SLC44A5: variants seen among roughly 807,000 people sequenced by gnomAD.
SLC44A5 encodes choline transporter-like protein 5.
SLC44A5 carries 57 observed loss-of-function variants against 101.8 expected under a neutral mutation model. That is an observed-to-expected ratio of 0.56 (90% CI 0.45 to 0.70). The LOEUF (loss-of-function observed/expected upper bound fraction) is 0.70. Ranked by LOEUF, SLC44A5 falls within the 30% of genes least tolerant of loss-of-function variation. SLC44A5 has a pLI of 0.00. For synonymous variants in SLC44A5, 281 were observed against 290.9 expected, an observed-to-expected ratio of 0.97 and a Z score of 0.35; for missense variants, 737 against 853.1, an observed-to-expected ratio of 0.86 and a Z score of 1.70.
At chr1:75,315,622 C>T (rs994831114) in intron 4 of SLC44A5, among the ~76,000 whole-genome samples, 1 of 152,156 alleles carries the variant, frequency 6.6e-6, no homozygotes, top group Non-Finnish European at 1.5e-5. Context: ...TCAGGGCTTT[C>T]TCATGATCTT....
intron 1 of SLC44A5, among the ~76,000 whole-genome samples, chr1:75,602,547 C>T (rs993605384): frequency 3.3e-5 from 5 of 152,028 alleles, no homozygotes; most frequent in Admixed American, 1.3e-4. Context: ...TATGATTAAA[C>T]ATTTTTTAAA....
intron 2 of SLC44A5, among the ~76,000 whole-genome samples, chr1:75,526,995 C>T (rs1315190407): frequency 6.6e-6 from 1 of 151,736 alleles, no homozygotes; most frequent in Non-Finnish European, 1.5e-5. Flanking sequence ...ACTAGCCGGG[C>T]ATGGTGGCAT....
chr1:75,231,281 C>T (rs1647543884), intron 12 of SLC44A5, among the ~76,000 whole-genome samples: 1 of 152,118 alleles, frequency 6.6e-6, no homozygotes, highest in Admixed American at 6.6e-5. Flanking sequence ...GCTTGGTTCC[C>T]CGCTTTGATT....
intron 4 of SLC44A5, among the ~76,000 whole-genome samples, chr1:75,310,285 T>C (rs1655198468): frequency 6.6e-6 from 1 of 152,208 alleles, no homozygotes; most frequent in Non-Finnish European, 1.5e-5. Context: ...CATTAGGGAC[T>C]TGACTCATTT....
the SLC44A5 span, among the ~76,000 whole-genome samples, chr1:75,696,421 T>A: frequency 6.6e-6 from 1 of 152,208 alleles, no homozygotes; most frequent in Non-Finnish European, 1.5e-5. Context: ...AAAAGGAGAT[T>A]CATAAAGGAT....
At chr1:75,225,079 C>T (rs1483820184) in intron 13 of SLC44A5, among the ~76,000 whole-genome samples, 1 of 152,186 alleles carries the variant, frequency 6.6e-6, no homozygotes. Flanking sequence ...CTTACTGACA[C>T]CCAGAACAAC....
At chr1:75,530,639 T>C (rs1670662796) in intron 2 of SLC44A5, among the ~76,000 whole-genome samples, 2 of 152,210 alleles carry the variant, frequency 1.3e-5, no homozygotes, top group Non-Finnish European at 2.9e-5. Context: ...TGATATTTCT[T>C]CTTTGTTTAC....
chr1:75,450,197 G>A (rs1266071693), intron 2 of SLC44A5, among the ~76,000 whole-genome samples: 1 of 152,150 alleles, frequency 6.6e-6, no homozygotes, highest in Non-Finnish European at 1.5e-5. Context: ...GAGAGGCAGA[G>A]AGCCTCCCTC....
chr1:75,302,490 A>G (rs573058756), intron 4 of SLC44A5, among the ~76,000 whole-genome samples: 67 of 152,294 alleles, frequency 4.4e-4, no homozygotes, highest in African/African-American at 1.6e-3. Context: ...AATACATAAT[A>G]TAACACATAC....
chr1:75,334,154 T>A (rs1657267448), intron 4 of SLC44A5, among the ~76,000 whole-genome samples: 1 of 152,242 alleles, frequency 6.6e-6, no homozygotes. Flanking sequence ...GCTTTATTCA[T>A]TTCTTTGCTT....
intron 14 of SLC44A5, among the ~76,000 whole-genome samples, chr1:75,220,748 T>C (rs1647060503): frequency 6.6e-6 from 1 of 152,154 alleles, no homozygotes; most frequent in Admixed American, 6.5e-5. Context: ...CATATGGCCA[T>C]TGAGAAATAA....
intron 2 of SLC44A5, among the ~76,000 whole-genome samples, chr1:75,491,423 A>C (rs1468325888): frequency 8.5e-5 from 13 of 152,186 alleles, no homozygotes; most frequent in Admixed American, 8.5e-4. Flanking sequence ...CTTATTGTTT[A>C]AGTTACGTGA....
intron 3 of SLC44A5, among the ~76,000 whole-genome samples, chr1:75,375,967 T>C (rs2101205609): frequency 6.6e-6 from 1 of 152,162 alleles, no homozygotes; most frequent in Non-Finnish European, 1.5e-5. Flanking sequence ...TGGGCGCAGG[T>C]CAGTGGGTGT....
At chr1:75,306,571 A>C (rs1453742322) in intron 4 of SLC44A5, among the ~76,000 whole-genome samples, 1 of 152,054 alleles carries the variant, frequency 6.6e-6, no homozygotes, top group Non-Finnish European at 1.5e-5. Flanking sequence ...CAAAAAAAAA[A>C]CCAATTAGAT....
At chr1:75,683,648 C>A in the SLC44A5 span, among the ~76,000 whole-genome samples, 2 of 152,016 alleles carry the variant, frequency 1.3e-5, no homozygotes, top group Non-Finnish European at 2.9e-5. Flanking sequence ...GGAGATATAC[C>A]TAATGCTAGA....
intron 2 of SLC44A5, among the ~76,000 whole-genome samples, chr1:75,417,756 G>T (rs1309011410): frequency 6.6e-6 from 1 of 152,160 alleles, no homozygotes; most frequent in Admixed American, 6.5e-5. Context: ...GCTAAAGAAA[G>T]AGTTCTAACA....
intron 2 of SLC44A5, among the ~76,000 whole-genome samples, chr1:75,526,632 A>G (rs777931361): frequency 6.6e-6 from 1 of 152,190 alleles, no homozygotes; most frequent in Admixed American, 6.5e-5. Context: ...TAGTTTCTAA[A>G]TCTTTCTGAG....
intron 2 of SLC44A5, among the ~76,000 whole-genome samples, chr1:75,435,152 C>T (rs1397339989): frequency 6.6e-6 from 1 of 152,144 alleles, no homozygotes; most frequent in Admixed American, 6.6e-5. Flanking sequence ...CTCTCTGTTA[C>T]TGCCATATTT....
At chr1:75,402,508 G>A in intron 2 of SLC44A5, 1 of 318,670 alleles carries the variant, frequency 3.1e-6, no homozygotes, top group South Asian at 2.5e-5. Context: ...CATAGGGACT[G>A]GTTAGACAAT....
Sources: allele counts gnomAD v4.1 joint callset (sites outside exome capture counted in the v4.1 genomes callset), GRCh38; gene constraint gnomAD v4.1.1; transcripts MANE v1.5; gene names NCBI Gene and HGNC (gene_info 2026-07-23, HGNC 2026-07-21).